The following FHIT variants were observed in gnomAD, a reference collection of about 807,000 sequenced individuals.
FHIT encodes the protein bis(5'-adenosyl)-triphosphatase.
A neutral mutation model predicts 17.9 loss-of-function variants in FHIT; 19 were observed. The observed-to-expected ratio is 1.06, with a 90% CI of 0.74 to 1.56. The LOEUF (loss-of-function observed/expected upper bound fraction) is 1.56, where lower values mean the gene tolerates loss of function less well. Among genes scored for constraint, FHIT ranks in the 40% most tolerant of loss-of-function variants. The probability of loss-of-function intolerance (pLI) is 0.00; values close to 1 mark genes in which losing one functional copy is unlikely to be tolerated. For synonymous variants in FHIT, 81 were observed against 69.7 expected, an observed-to-expected ratio of 1.16 and a Z score of -0.81; for missense variants, 248 against 189.2, an observed-to-expected ratio of 1.31 and a Z score of -1.82.
intron 5 of FHIT, among the ~76,000 whole-genome samples, chr3:60,154,575 T>C (rs781763259): frequency 3.9e-5 from 6 of 152,194 alleles, no homozygotes; most frequent in Admixed American, 6.5e-5. Flanking sequence ...ACTTATAATA[T>C]TCCAAGCTGT....
At chr3:60,827,904 G>C (rs1396588508) in intron 3 of FHIT, among the ~76,000 whole-genome samples, 1 of 152,212 alleles carries the variant, frequency 6.6e-6, no homozygotes. Flanking sequence ...AGGGTAACTT[G>C]TCACACTACT....
At chr3:60,345,203 C>T (rs1364524361) in intron 5 of FHIT, among the ~76,000 whole-genome samples, 6 of 152,156 alleles carry the variant, frequency 3.9e-5, no homozygotes, top group African/African-American at 7.2e-5. Context: ...ACATCCAGTA[C>T]GTGTCCATGA....
At chr3:60,946,475 A>G (rs1708643382) in intron 3 of FHIT, among the ~76,000 whole-genome samples, 1 of 152,098 alleles carries the variant, frequency 6.6e-6, no homozygotes, top group Non-Finnish European at 1.5e-5. Context: ...ATTGTGAACC[A>G]TTGGCCTGGG....
chr3:60,749,052 A>T (rs1299075958), intron 4 of FHIT, among the ~76,000 whole-genome samples: 1 of 152,158 alleles, frequency 6.6e-6, no homozygotes, highest in Non-Finnish European at 1.5e-5. Context: ...GGGAGAAAAG[A>T]CCTCTTTGGA....
At position 60,978,853 on chromosome 3, in the gene FHIT, G is replaced by T. The variant is rs1710371657; in HGVS notation, c.-111+63194C>A. Among the ~76,000 whole-genome samples, 4 of 152,138 alleles carry T rather than the reference G, an allele frequency of 2.6e-5. No homozygotes were observed. The South Asian group carries it at 8.3e-4, about 32-fold the overall frequency. Reference sequence around the variant, plus strand: ...ACATCTTTATTTTTCTTAATACCATGACTTTGGCTCTTCCTTAGATCTACA... The same window carrying T: ...ACATCTTTATTTTTCTTAATACCATTACTTTGGCTCTTCCTTAGATCTACA... On this transcript the variant is annotated intron_variant, in intron 3 of 9. Transcript: ENST00000492590.
intron 5 of FHIT, among the ~76,000 whole-genome samples, chr3:60,376,827 C>T (rs1283258933): frequency 1.3e-5 from 2 of 152,078 alleles, no homozygotes; most frequent in Admixed American, 6.5e-5. Context: ...ATACCATACA[C>T]GACATAGATA....
At chr3:59,945,631 T>C (rs1043790636) in intron 7 of FHIT, among the ~76,000 whole-genome samples, 10 of 152,112 alleles carry the variant, frequency 6.6e-5, no homozygotes, top group African/African-American at 2.4e-4. Context: ...CTAAGTTATC[T>C]TCCAGAGTTT....
intron 5 of FHIT, among the ~76,000 whole-genome samples, chr3:60,379,976 A>G (rs2107107000): frequency 6.6e-6 from 1 of 152,354 alleles, no homozygotes; most frequent in African/African-American, 2.4e-5. Context: ...AACAGCATCA[A>G]TAATAATAGC....
intron 5 of FHIT, among the ~76,000 whole-genome samples, chr3:60,328,142 G>C (rs912401922): frequency 6.8e-5 from 10 of 148,088 alleles, no homozygotes; most frequent in African/African-American, 2.3e-4. Flanking sequence ...CCAACTGTAA[G>C]GGAGCACAGG....
At chr3:59,989,255 G>A (rs891102774) in intron 7 of FHIT, among the ~76,000 whole-genome samples, 12 of 152,002 alleles carry the variant, frequency 7.9e-5, no homozygotes, top group African/African-American at 2.9e-4. Flanking sequence ...TGAGTTCCTG[G>A]AAACCTTTGA....
intron 5 of FHIT, among the ~76,000 whole-genome samples, chr3:60,074,058 TG>T (rs776939729): frequency 7.2e-5 from 11 of 152,258 alleles, no homozygotes; most frequent in Non-Finnish European, 1.6e-4. Flanking sequence ...TGTGCATTCC[TG>T]TCTTTCACTA....
intron 5 of FHIT, among the ~76,000 whole-genome samples, chr3:60,100,249 T>C (rs893060754): frequency 2.0e-5 from 3 of 151,934 alleles, no homozygotes; most frequent in African/African-American, 7.3e-5. Context: ...CCAGGCATGG[T>C]GGTGGACGCC....
intron 4 of FHIT, among the ~76,000 whole-genome samples, chr3:60,642,973 A>G (rs1485516374): frequency 3.9e-5 from 6 of 152,184 alleles, no homozygotes; most frequent in African/African-American, 1.4e-4. Flanking sequence ...CTTTTCCTTC[A>G]TGAAAGCACT....
At chr3:60,803,569 G>T (rs1347616608) in intron 4 of FHIT, among the ~76,000 whole-genome samples, 1 of 152,192 alleles carries the variant, frequency 6.6e-6, no homozygotes, top group Non-Finnish European at 1.5e-5. Flanking sequence ...CTTTTATGTG[G>T]AAAGTTACTG....
intron 5 of FHIT, among the ~76,000 whole-genome samples, chr3:60,492,905 T>G (rs569225719): frequency 1.3e-5 from 2 of 152,324 alleles, no homozygotes; most frequent in African/African-American, 4.8e-5. Context: ...GCTTCACTGG[T>G]TCCTTTTGGG....
At chr3:59,755,062 T>C (rs1199197570) in intron 8 of FHIT, among the ~76,000 whole-genome samples, 2 of 152,076 alleles carry the variant, frequency 1.3e-5, no homozygotes, top group Non-Finnish European at 2.9e-5. Context: ...AATCACTGCT[T>C]TTTGGGAGAA....
chr3:60,189,114 C>T (rs1702286119), intron 5 of FHIT, among the ~76,000 whole-genome samples: 1 of 151,920 alleles, frequency 6.6e-6, no homozygotes, highest in African/African-American at 2.4e-5. Flanking sequence ...AGGAATTACT[C>T]TCAATTACAG....
chr3:60,104,741 T>C (rs1232361627), intron 5 of FHIT, among the ~76,000 whole-genome samples: 1 of 152,108 alleles, frequency 6.6e-6, no homozygotes, highest in Non-Finnish European at 1.5e-5. Context: ...AAATTTAGAA[T>C]TTTTAAAAAT....
At chr3:60,732,238 C>G in intron 4 of FHIT, 1 of 849,580 alleles carries the variant, frequency 1.2e-6, no homozygotes. Flanking sequence ...GATATTCATG[C>G]CTTCACCATG....
Sources: allele counts gnomAD v4.1 joint callset (sites outside exome capture counted in the v4.1 genomes callset), GRCh38; gene constraint gnomAD v4.1.1; transcripts MANE v1.5; gene names NCBI Gene and HGNC (gene_info 2026-07-23, HGNC 2026-07-21).